TDRD12: variants seen among roughly 807,000 people sequenced by gnomAD.
TDRD12 encodes the protein putative ATP-dependent RNA helicase TDRD12.
TDRD12 carries 158 observed loss-of-function variants against 133.5 expected under a neutral mutation model. The observed-to-expected ratio is 1.18, with a 90% CI of 1.04 to 1.35. The LOEUF is 1.35. Among genes scored for constraint, TDRD12 ranks in the 40% most tolerant of loss-of-function variants. TDRD12 has a pLI of 0.00. For synonymous variants in TDRD12, 460 were observed against 477.9 expected, an observed-to-expected ratio of 0.96 and a Z score of 0.49; for missense variants, 1,443 against 1,321.3, an observed-to-expected ratio of 1.09 and a Z score of -1.43.
chr19:32,728,596 C>A (rs1408413963), intron 1 of TDRD12, among the ~76,000 whole-genome samples: 1 of 151,146 alleles, frequency 6.6e-6, no homozygotes, highest in Non-Finnish European at 1.5e-5. Context: ...CTAACTGGGA[C>A]CTTTAGTACA....
chr19:32,741,817 G>A (rs548003381), intron 3 of TDRD12, among the ~76,000 whole-genome samples: 78 of 152,300 alleles, frequency 5.1e-4, no homozygotes, highest in Non-Finnish European at 8.4e-4. Flanking sequence ...GAAGGCCAAG[G>A]CAGGAGGATC....
chr19:32,764,834 A>G (rs1382919330), intron 8 of TDRD12, among the ~76,000 whole-genome samples: 1 of 152,208 alleles, frequency 6.6e-6, no homozygotes, highest in Non-Finnish European at 1.5e-5. Flanking sequence ...ATGGGCAAGG[A>G]CTTCATGTCT....
intron 1 of TDRD12, among the ~76,000 whole-genome samples, chr19:32,728,919 T>A (rs1490670192): frequency 6.6e-6 from 1 of 151,490 alleles, no homozygotes; most frequent in Non-Finnish European, 1.5e-5. Flanking sequence ...AGTGCTGGGA[T>A]TACAGGCATA....
intron 8 of TDRD12, among the ~76,000 whole-genome samples, chr19:32,759,434 G>A (rs1236407293): frequency 1.3e-5 from 2 of 150,838 alleles, no homozygotes. Flanking sequence ...TTTTTGAGAC[G>A]GGGTCTTGCT....
chr19:32,782,898 G>A (rs1970809436), intron 11 of TDRD12, among the ~76,000 whole-genome samples: 1 of 152,148 alleles, frequency 6.6e-6, no homozygotes, highest in African/African-American at 2.4e-5. Context: ...TTGCAAAAAT[G>A]TTCTACCATT....
downstream of TDRD12, among the ~76,000 whole-genome samples, chr19:32,822,305 G>A (rs140265386): frequency 9.3e-3 from 1,414 of 151,868 alleles, 27 homozygotes; most frequent in African/African-American, 0.033. Flanking sequence ...GGTGGCGCAC[G>A]CCTGTAGTCC....
chr19:32,723,468 C>T (rs970228069), intron 1 of TDRD12, among the ~76,000 whole-genome samples: 7 of 151,926 alleles, frequency 4.6e-5, no homozygotes, highest in Non-Finnish European at 1.0e-4. Context: ...CCAGGATGGT[C>T]TCGATCTCCT....
intron 11 of TDRD12, among the ~76,000 whole-genome samples, chr19:32,782,517 T>G (rs1304920382): frequency 6.6e-6 from 1 of 152,184 alleles, no homozygotes; most frequent in Non-Finnish European, 1.5e-5. Flanking sequence ...GTATTTCTGG[T>G]TCTAGATCCT....
chr19:32,754,669 C>CTT (rs35714049), intron 6 of TDRD12, among the ~76,000 whole-genome samples: 1,279 of 70,032 alleles, frequency 0.018, no homozygotes, highest in Non-Finnish European at 0.024. Context: ...ATGACTCTAT[C>CTT]TTTTTTTTTT....
At chr19:32,802,781 G>T (rs975466304) in exon 20 of TDRD12, 1 of 1,536,686 alleles carries the variant, frequency 6.5e-7, no homozygotes, top group African/African-American at 1.4e-5. Flanking sequence ...TCATTTTCAC[G>T]CTGAACAGGT....
chr19:32,775,603 G>C (rs771114597), intron 10 of TDRD12, among the ~76,000 whole-genome samples: 1 of 151,894 alleles, frequency 6.6e-6, no homozygotes, highest in Non-Finnish European at 1.5e-5. Context: ...AAAATATTAG[G>C]ATTACAGGTG....
chr19:32,749,453 T>C (rs527538415), intron 5 of TDRD12, among the ~76,000 whole-genome samples: 1 of 152,168 alleles, frequency 6.6e-6, no homozygotes, highest in East Asian at 1.9e-4. Context: ...GTTTTGAGTC[T>C]CTAAGGGAGT....
intron 13 of TDRD12, among the ~76,000 whole-genome samples, chr19:32,792,430 T>C (rs1323202404): frequency 2.6e-5 from 4 of 152,160 alleles, no homozygotes; most frequent in African/African-American, 9.7e-5. Flanking sequence ...AAATAGGATA[T>C]TTTAAAAAGG....
intron 1 of TDRD12, among the ~76,000 whole-genome samples, chr19:32,725,104 T>C (rs967936840): frequency 2.0e-5 from 3 of 152,182 alleles, no homozygotes; most frequent in African/African-American, 7.2e-5. Flanking sequence ...AGATTCTGGA[T>C]ATTAGATCTT....
Position 32,740,481 on chromosome 19 carries a change from C to G in TDRD12, c.320+1489C>G, listed in dbSNP as rs567259307. On this transcript the variant is annotated intron_variant, in intron 3 of 27. Coordinates refer to ENST00000444215, the Ensembl canonical transcript of TDRD12. ...GGGTACTCTGCATCTCCTGGGTGCT[C>G]TCTGCATCTCCTGTGTTCTCTGCAT... is the stretch of plus-strand genomic sequence containing the variant. Among the ~76,000 whole-genome samples, 3 of 151,536 alleles carry G rather than the reference C, an allele frequency of 2.0e-5. 1 individual carries two copies. The highest frequency in any genetic ancestry group is 3.9e-4 in the East Asian group (2 of 5,100).
At chr19:32,826,587 C>T (rs1967597902) in exon 9 of TDRD12, 1 of 1,238,766 alleles carries the variant, frequency 8.1e-7, no homozygotes, top group Non-Finnish European at 1.0e-6. Flanking sequence ...GTGTCACCTA[C>T]TCAGACAGAG....
chr19:32,767,275 T>A (rs181351457), intron 8 of TDRD12, among the ~76,000 whole-genome samples: 95 of 151,868 alleles, frequency 6.3e-4, no homozygotes, highest in Non-Finnish European at 1.2e-3. Flanking sequence ...ATTACAGGTG[T>A]GCACCACTAT....
chr19:32,722,491 A>C (rs1185710753), intron 1 of TDRD12, among the ~76,000 whole-genome samples: 1 of 152,040 alleles, frequency 6.6e-6, no homozygotes, highest in Non-Finnish European at 1.5e-5. Context: ...CTGCAGATGA[A>C]GTTAGCTTTT....
At chr19:32,723,584 T>C (rs1323974027) in intron 1 of TDRD12, among the ~76,000 whole-genome samples, 1 of 151,586 alleles carries the variant, frequency 6.6e-6, no homozygotes, top group Admixed American at 6.6e-5. Context: ...GTGATATGAG[T>C]CTTCCAACTA....
Sources: gnomAD v4.1 joint callset for allele counts (sites outside exome capture counted in the v4.1 genomes callset) on GRCh38, gnomAD v4.1.1 for gene constraint, MANE v1.5 for transcripts, NCBI Gene and HGNC (gene_info 2026-07-23, HGNC 2026-07-21) for gene names.